Variants in NCOR2 observed in about 807,000 individuals in gnomAD.
The protein encoded by NCOR2 is CTG repeat protein 26.
Under a neutral mutation model 262.9 loss-of-function variants are expected in NCOR2, and 81 were observed. That is an observed-to-expected ratio of 0.31 (90% CI 0.26 to 0.37). The LOEUF (loss-of-function observed/expected upper bound fraction) is 0.37. Among genes scored for constraint, NCOR2 ranks in the 10% least tolerant of loss-of-function variants. The pLI, the probability that NCOR2 is intolerant of heterozygous loss-of-function variation, is 1.00. For synonymous variants in NCOR2, 1,659 were observed against 1,559.3 expected, an observed-to-expected ratio of 1.06 and a Z score of -1.51; for missense variants, 3,385 against 3,621.4, an observed-to-expected ratio of 0.93 and a Z score of 1.68.
chr12:124,500,299 C>G (rs1315315373), intron 1 of NCOR2, among the ~76,000 whole-genome samples: 1 of 152,144 alleles, frequency 6.6e-6, no homozygotes, highest in African/African-American at 2.4e-5. Context: ...GGTGGAGGGG[C>G]TCCCCATGCA....
intron 19 of NCOR2, among the ~76,000 whole-genome samples, chr12:124,373,203 AG>A (rs777236127): frequency 3.9e-5 from 6 of 152,160 alleles, no homozygotes; most frequent in Non-Finnish European, 5.9e-5. Flanking sequence ...GCTCAGTGTG[AG>A]TACAGGGGAC....
At position 124,443,559 on chromosome 12, in the gene NCOR2, G is replaced by C. The variant is rs2044962978; in HGVS notation, c.816-5563C>G. ...GCTCTGTCACCTAGGCTGGAGTGCA[G>C]TGGCGCAATCTCGGCTCACTGCAAC... On this transcript the variant is annotated intron_variant, in intron 7 of 46. Transcript: ENST00000405201. The surrounding 1 kb of genome is among the most constrained non-coding windows in gnomAD (Gnocchi z 4.4). Among the ~76,000 whole-genome samples, 2 of 152,100 alleles carry C rather than the reference G, an allele frequency of 1.3e-5. No homozygotes were observed. Among genetic ancestry groups the C allele is most frequent in the Admixed American group, 6.5e-5 (1 of 15,268 alleles).
At chr12:124,384,046 G>T (rs1268664969) in intron 17 of NCOR2, among the ~76,000 whole-genome samples, 1 of 151,836 alleles carries the variant, frequency 6.6e-6, no homozygotes. Context: ...AGGGGAGGCG[G>T]GGGGAGGAGA....
intron 13 of NCOR2, among the ~76,000 whole-genome samples, chr12:124,413,283 C>T (rs2042686194): frequency 6.6e-6 from 1 of 152,210 alleles, no homozygotes; most frequent in Non-Finnish European, 1.5e-5. Context: ...ACCTCTGCAG[C>T]GTGGAATCAG....
intron 1 of NCOR2, chr12:124,556,040 G>A (rs188739380): frequency 1.3e-5 from 2 of 152,382 alleles, no homozygotes; most frequent in East Asian, 3.9e-4. Flanking sequence ...TATAGATGGC[G>A]AAATGGAGGC....
At chr12:124,422,607 C>CG in intron 11 of NCOR2, 52 bp from the exon 14 acceptor site, 1 of 1,603,410 alleles carries the variant, frequency 6.2e-7, no homozygotes, top group Non-Finnish European at 8.5e-7. Context: ...GGCTTTCCTG[C>CG]GGGGCAGCCG....
intron 1 of NCOR2, among the ~76,000 whole-genome samples, chr12:124,553,188 T>C (rs1471434672): frequency 6.6e-6 from 1 of 152,166 alleles, no homozygotes; most frequent in African/African-American, 2.4e-5. Context: ...CAACGCAGCA[T>C]CTTCAAATCT....
At chr12:124,346,743 T>A in exon 31 of NCOR2, 3 of 1,559,792 alleles carry the variant, frequency 1.9e-6, no homozygotes, top group South Asian at 1.2e-5. Flanking sequence ...TAGGCCTCGG[T>A]CAGGTCCCGT....
rs2037831850 is a variant in NCOR2, at chr12:124,354,973, C to T, written c.3382-34G>A. The T allele has an allele frequency of 3.2e-6, 5 of 1,575,908 alleles. No homozygotes were observed. The South Asian group carries it at 3.3e-5, about 11-fold the overall frequency. On this transcript the variant is annotated intron_variant, in intron 24 of 46. Transcript: ENST00000405201. ...GCGGAGTTGTGGGGTCACAGGGGCA[C>T]CCTGGTCCCTCCCCCACAGTCCAGA... is the stretch of plus-strand genomic sequence containing the variant.
rs576574521 is a variant in NCOR2 at position 124,513,191 on chromosome 12, A to C, written c.-117-17823T>G. 3.3e-5 allele frequency: 5 copies of C among 152,262 alleles called. No individual in the cohort carries two copies. In the East Asian group the frequency reaches 9.7e-4, roughly 30 times the overall value. 9.4% of individuals were successfully genotyped at this position (152,262 alleles called of 1,614,324 possible). On this transcript the variant is annotated intron_variant, in intron 1 of 46. Coordinates refer to the NCOR2 transcript ENST00000404621. ...ATTATGACATCACAGGCCAGGAATT[A>C]TGTTATTAGCCTGGGAAGGAGGCTG...
At chr12:124,499,887 G>A (rs985022998), upstream of NCOR2, among the ~76,000 whole-genome samples, 4 of 152,136 alleles carry the variant, frequency 2.6e-5, no homozygotes. Flanking sequence ...GTCCAAGAGA[G>A]GGGACACTGG....
At chr12:124,380,676 C>T (rs183366849) in intron 17 of NCOR2, among the ~76,000 whole-genome samples, 97 of 152,210 alleles carry the variant, frequency 6.4e-4, no homozygotes, top group Admixed American at 2.3e-3. Context: ...CTGAGCTGCC[C>T]GGGCGGTGGC....
chr12:124,456,508 G>A (rs955811409), intron 6 of NCOR2, among the ~76,000 whole-genome samples: 1 of 152,084 alleles, frequency 6.6e-6, no homozygotes, highest in South Asian at 2.1e-4. Flanking sequence ...CGCCATCATC[G>A]CCATCATCAT....
chr12:124,332,117 T>C (rs1048946954), intron 43 of NCOR2: 6 of 615,984 alleles, frequency 9.7e-6, no homozygotes, highest in African/African-American at 3.7e-5. Context: ...AGTAAGCTCC[T>C]ATGGAAAGCC....
chr12:124,514,434 AG>A (rs2049594463), intron 1 of NCOR2: 2 of 152,276 alleles, frequency 1.3e-5, no homozygotes, highest in African/African-American at 4.8e-5. Context: ...CAGTGTTACA[AG>A]GAGTAGTGAA....
Position 124,517,377 on chromosome 12 carries a change from G to A in NCOR2, c.-118+18188C>T, listed in dbSNP as rs892866812. Among the ~76,000 whole-genome samples, 7 of 152,240 alleles carry A rather than the reference G, an allele frequency of 4.6e-5. No individual in the cohort carries two copies. Among genetic ancestry groups the A allele is most frequent in the Admixed American group, 1.3e-4 (2 of 15,296 alleles). On this transcript the variant is annotated intron_variant, in intron 1 of 46. Coordinates refer to the NCOR2 transcript ENST00000404621. This position sits in a 1 kb window ranked among gnomAD's most constrained non-coding sequence, Gnocchi z 7.6. Reference sequence around the variant, plus strand: ...TCATCCCCCCGGTTTGCAACTAAAGGCTCCTTGTGAGCTCGGGAAGCCCTT... The same window carrying A: ...TCATCCCCCCGGTTTGCAACTAAAGACTCCTTGTGAGCTCGGGAAGCCCTT...
chr12:124,512,188 A>T (rs1011249467), intron 1 of NCOR2, among the ~76,000 whole-genome samples: 2 of 152,186 alleles, frequency 1.3e-5, no homozygotes, highest in Non-Finnish European at 2.9e-5. Flanking sequence ...CTGGGACTAT[A>T]GGCATGAGCC....
chr12:124,399,917 C>G (rs2041906978), intron 15 of NCOR2, among the ~76,000 whole-genome samples: 1 of 152,090 alleles, frequency 6.6e-6, no homozygotes, highest in African/African-American at 2.4e-5. Flanking sequence ...CCCTTCTCAA[C>G]AGAAGGGGAA....
At chr12:124,340,784 CA>C in intron 34 of NCOR2, 33 bp from the exon 37 acceptor site, 1 of 1,483,040 alleles carries the variant, frequency 6.7e-7, no homozygotes, top group South Asian at 1.4e-5. Context: ...GCTGTAGCCA[CA>C]GGGAGGAGAG....
Sources: allele counts gnomAD v4.1 joint callset (sites outside exome capture counted in the v4.1 genomes callset), GRCh38; gene constraint gnomAD v4.1.1; non-coding constraint Gnocchi (gnomAD v3.1); transcripts MANE v1.5; gene names NCBI Gene and HGNC (gene_info 2026-07-23, HGNC 2026-07-21).